Variants in TLL1 observed in about 807,000 individuals in gnomAD.
TLL1 encodes tolloid like 1, also known as tolloid-like protein 1.
Under a neutral mutation model 128.2 loss-of-function variants are expected in TLL1, and 49 were observed. The ratio of observed to expected loss-of-function variants is 0.38; its 90% CI spans 0.30 to 0.48. TLL1 has a LOEUF of 0.48. Ranked by LOEUF, TLL1 falls within the 20% of genes least tolerant of loss-of-function variation. TLL1 has a pLI of 0.96. For synonymous variants in TLL1, 454 were observed against 418.8 expected (o/e 1.08, Z -1.03); for missense variants, 1,123 against 1,242.0 (o/e 0.90, Z 1.44).
In TLL1 at chr4:165,882,767, C is replaced by T. The variant is rs529502399; in HGVS notation, c.169+8694C>T. On this transcript the variant is annotated intron_variant, in intron 1 of 20. Coordinates refer to ENST00000061240, the MANE Select transcript of TLL1 (RefSeq NM_012464.5). ...CCGAGTAGCTGGGATTACAGGCATG[C>T]GCCACCACGCCCGGCTAGTTTTATA... is the stretch of plus-strand genomic sequence containing the variant. Among the ~76,000 whole-genome samples, 85 of 151,992 alleles carry T rather than the reference C, an allele frequency of 5.6e-4. 1 individual carries two copies. Among genetic ancestry groups the T allele is most frequent in the African/African-American group, 1.8e-3 (73 of 41,470 alleles).
chr4:166,008,140 C>T (rs1737523726), intron 7 of TLL1, 92 bp downstream of exon 7: 3 of 881,526 alleles, frequency 3.4e-6, no homozygotes, highest in East Asian at 5.1e-5. Flanking sequence ...ACTAGAATTA[C>T]TTTCAAATAT....
At chr4:165,999,051 AC>A (rs113555954) in intron 5 of TLL1, among the ~76,000 whole-genome samples, 3,244 of 152,184 alleles carry the variant, frequency 0.021, 123 homozygotes, top group African/African-American at 0.074. Context: ...CTCAGCCTGG[AC>A]TTTGTTGTCC....
chr4:165,917,015 A>G (rs940417793), intron 1 of TLL1, among the ~76,000 whole-genome samples: 4 of 152,104 alleles, frequency 2.6e-5, no homozygotes, highest in Non-Finnish European at 5.9e-5. Flanking sequence ...CTTGTAGTTT[A>G]ATACATTAGA....
chr4:166,018,022 T>C (rs1738032986), intron 8 of TLL1, among the ~76,000 whole-genome samples: 1 of 152,188 alleles, frequency 6.6e-6, no homozygotes, highest in Non-Finnish European at 1.5e-5. Flanking sequence ...GGGTGACTCA[T>C]CTGTGAACAA....
At chr4:165,896,299 A>G (rs1419614017) in intron 1 of TLL1, among the ~76,000 whole-genome samples, 5 of 152,002 alleles carry the variant, frequency 3.3e-5, no homozygotes, top group African/African-American at 1.2e-4. Context: ...TCCATGGTGT[A>G]TATGTGCCAC....
At chr4:165,974,865 G>A (rs552999946) in intron 1 of TLL1, among the ~76,000 whole-genome samples, 1 of 152,196 alleles carries the variant, frequency 6.6e-6, no homozygotes, top group Admixed American at 6.5e-5. Context: ...AACTGTCACA[G>A]GTTGCGTTGC....
chr4:165,939,093 T>C (rs1733887258), intron 1 of TLL1, among the ~76,000 whole-genome samples: 1 of 152,020 alleles, frequency 6.6e-6, no homozygotes, highest in Non-Finnish European at 1.5e-5. Flanking sequence ...GTGCAGAAAA[T>C]CTGATCAGAA....
rs1163022177 is a variant in TLL1 at position 165,973,663 on chromosome 4, CT to C, written c.170-15706del. ...CTTAACAAGGGAGTAAGCATTAGTTCTTTTTTTTTTTTCTTTTTTGAGATGG... is the reference window on the plus strand; with the variant it reads ...CTTAACAAGGGAGTAAGCATTAGTTCTTTTTTTTTTTCTTTTTTGAGATGG... On this transcript the variant is annotated intron_variant, in intron 1 of 20. Transcript: ENST00000061240. Among the ~76,000 whole-genome samples the C allele has an allele frequency of 2.6e-3, 367 of 143,062 alleles. 1 individual carries two copies. Among genetic ancestry groups the C allele is most frequent in the African/African-American group, 6.4e-3 (252 of 39,238 alleles). 93.9% of individuals were successfully genotyped at this position (143,062 alleles called of 152,430 possible).
intron 1 of TLL1, among the ~76,000 whole-genome samples, chr4:165,928,898 AT>A (rs1004671590): frequency 5.3e-5 from 8 of 151,970 alleles, no homozygotes; most frequent in African/African-American, 9.7e-5. Flanking sequence ...AAAGTGTCTG[AT>A]TTTTTTTCCT....
At position 165,983,274 on chromosome 4, in the gene TLL1, T is replaced by G. The variant is rs973462573; in HGVS notation, c.170-6107T>G. Among the ~76,000 whole-genome samples the G allele has an allele frequency of 2.0e-5, 3 of 151,908 alleles. No homozygotes were observed. The South Asian group carries it at 6.2e-4, about 31-fold the overall frequency. ...TGTGGGCTATAAGTGCAGATTGATA[T>G]GATATTTCAATGGATCTTTTGTTAG... On this transcript the variant is annotated intron_variant, in intron 1 of 20. Transcript: ENST00000061240.
At chr4:165,981,631 T>C (rs1036973093) in intron 1 of TLL1, among the ~76,000 whole-genome samples, 2 of 152,084 alleles carry the variant, frequency 1.3e-5, no homozygotes, top group East Asian at 1.9e-4. Context: ...TTAGTATTCA[T>C]GTGTATATGG....
At chr4:166,012,111 T>A (rs1287269043) in intron 7 of TLL1, among the ~76,000 whole-genome samples, 1 of 151,586 alleles carries the variant, frequency 6.6e-6, no homozygotes, top group African/African-American at 2.4e-5. Context: ...GGACTGCCCA[T>A]TTTTCATTTA....
At chr4:165,893,091 T>C (rs1224840029) in intron 1 of TLL1, among the ~76,000 whole-genome samples, 1 of 152,182 alleles carries the variant, frequency 6.6e-6, no homozygotes, top group African/African-American at 2.4e-5. Context: ...AAACTCTATC[T>C]TTAGTAAGGA....
intron 8 of TLL1, among the ~76,000 whole-genome samples, chr4:166,020,966 G>A (rs1416133272): frequency 6.6e-6 from 1 of 152,184 alleles, no homozygotes; most frequent in Non-Finnish European, 1.5e-5. Flanking sequence ...TATATAGAGT[G>A]TACATATCTA....
chr4:166,084,650 T>C (rs1420598795), intron 18 of TLL1, among the ~76,000 whole-genome samples: 1 of 152,150 alleles, frequency 6.6e-6, no homozygotes, highest in South Asian at 2.1e-4. Context: ...CCTTTCCCTA[T>C]TGTGTGTTCT....
At chr4:165,984,529 G>A (rs1464731800) in intron 1 of TLL1, among the ~76,000 whole-genome samples, 10 of 151,834 alleles carry the variant, frequency 6.6e-5, no homozygotes, top group Non-Finnish European at 1.5e-4. Context: ...GAGCAAGACC[G>A]GTCAGAGCAG....
chr4:165,888,794 T>C (rs1290918608), intron 1 of TLL1, among the ~76,000 whole-genome samples: 1 of 152,174 alleles, frequency 6.6e-6, no homozygotes, highest in African/African-American at 2.4e-5. Flanking sequence ...TTTTCATTCT[T>C]CCTTATACTT....
chr4:165,956,767 T>C (rs1734818915), intron 1 of TLL1, among the ~76,000 whole-genome samples: 3 of 152,218 alleles, frequency 2.0e-5, no homozygotes, highest in African/African-American at 7.2e-5. Context: ...AAGATAGGCA[T>C]AAGAAATTAT....
At chr4:166,096,247 C>T (rs188148298) in intron 19 of TLL1, among the ~76,000 whole-genome samples, 4 of 144,594 alleles carry the variant, frequency 2.8e-5, no homozygotes, top group Non-Finnish European at 4.5e-5. Flanking sequence ...GTGTGTGTCA[C>T]GGTTAGAAAT....
Sources: gnomAD v4.1 joint callset for allele counts (sites outside exome capture counted in the v4.1 genomes callset) on GRCh38, gnomAD v4.1.1 for gene constraint, MANE v1.5 for transcripts, NCBI Gene and HGNC (gene_info 2026-07-23, HGNC 2026-07-21) for gene names.